COL5A2: variants seen among roughly 807,000 people sequenced by gnomAD.
COL5A2 encodes collagen alpha-2(V) chain.
In COL5A2, 23 loss-of-function variants were observed where a neutral mutation model predicts 208.2. That is an observed-to-expected ratio of 0.11 (90% CI 0.08 to 0.16). COL5A2 has a LOEUF of 0.16. Ranked by LOEUF, COL5A2 falls within the 10% of genes least tolerant of loss-of-function variation. The pLI is 1.00. For synonymous variants in COL5A2, 625 were observed against 628.5 expected (o/e 0.99, Z 0.08); for missense variants, 1,590 against 1,956.4 (o/e 0.81, Z 3.53).
chr2:189,321,918 T>G, the COL5A2 span, among the ~76,000 whole-genome samples: 5 of 152,280 alleles, frequency 3.3e-5, no homozygotes, highest in African/African-American at 9.6e-5. Context: ...ATTGACCACA[T>G]AGTTGGAAGT....
At chr2:189,043,298 A>G in intron 47 of COL5A2, 40 bp from the exon 48 acceptor site, 1 of 1,429,292 alleles carries the variant, frequency 7.0e-7, no homozygotes, top group Non-Finnish European at 9.8e-7. Context: ...CTTGCTACAT[A>G]TTATTGTTGA....
At chr2:189,145,350 A>G (rs1334320527) in intron 1 of COL5A2, among the ~76,000 whole-genome samples, 2 of 152,170 alleles carry the variant, frequency 1.3e-5, no homozygotes, top group East Asian at 3.8e-4. Flanking sequence ...CATGGATTCA[A>G]GGCAGCGTTC....
At chr2:189,108,877 T>G (rs750106180) in intron 2 of COL5A2, among the ~76,000 whole-genome samples, 4 of 151,954 alleles carry the variant, frequency 2.6e-5, no homozygotes, top group Non-Finnish European at 4.4e-5. Context: ...CTTCATTTCT[T>G]TGTGATGATT....
chr2:189,281,303 A>G, the COL5A2 span, among the ~76,000 whole-genome samples: 1 of 152,208 alleles, frequency 6.6e-6, no homozygotes, highest in Non-Finnish European at 1.5e-5. Context: ...ACAGTTCATC[A>G]TAAGCAGTAA....
chr2:189,118,794 G>A (rs987186581), intron 1 of COL5A2, among the ~76,000 whole-genome samples: 7 of 151,932 alleles, frequency 4.6e-5, no homozygotes, highest in Admixed American at 3.3e-4. Flanking sequence ...ATTCAGTTTT[G>A]TTCTGCTTTA....
At chr2:189,410,029 G>A in the COL5A2 span, among the ~76,000 whole-genome samples, 3 of 152,034 alleles carry the variant, frequency 2.0e-5, no homozygotes, top group African/African-American at 4.8e-5. Flanking sequence ...GAAATACTTC[G>A]AGTCACACTT....
At chr2:189,400,161 T>C in the COL5A2 span, among the ~76,000 whole-genome samples, 1 of 152,172 alleles carries the variant, frequency 6.6e-6, no homozygotes, top group African/African-American at 2.4e-5. Flanking sequence ...CCTACATATG[T>C]TTTTCTTGAT....
chr2:189,264,464 G>C, the COL5A2 span, among the ~76,000 whole-genome samples: 1 of 152,120 alleles, frequency 6.6e-6, no homozygotes, highest in Non-Finnish European at 1.5e-5. Context: ...CATGTATACT[G>C]TTTGATTATA....
At chr2:189,349,455 T>C in the COL5A2 span, among the ~76,000 whole-genome samples, 3 of 152,278 alleles carry the variant, frequency 2.0e-5, no homozygotes, top group South Asian at 6.2e-4. Context: ...ATACTGTGTA[T>C]TGACTCAATC....
rs141746031 is a variant in COL5A2 at position 189,216,530 on chromosome 2, A to T, written c.-42+8618T>A. On this transcript the variant is annotated intron_variant, in intron 1 of 10. Transcript: ENST00000649966. The stretch of plus-strand genomic sequence containing the variant: ...TTAAAAATATTATAATTTAATTGAT[A>T]TTACAATCAAGGTTATATCTGTCAC... Among the ~76,000 whole-genome samples, 383 of 152,238 alleles carry T rather than the reference A, an allele frequency of 2.5e-3. 1 individual carries two copies. Among genetic ancestry groups the T allele is most frequent in the African/African-American group, 7.9e-3 (330 of 41,534 alleles).
At chr2:189,274,547 G>C in the COL5A2 span, among the ~76,000 whole-genome samples, 1,613 of 152,200 alleles carry the variant, frequency 0.011, 34 homozygotes, top group African/African-American at 0.036. Context: ...CTCAGCTTCT[G>C]CACTAAAAAC....
chr2:189,163,706 T>G (rs1467743995), intron 1 of COL5A2, among the ~76,000 whole-genome samples: 5 of 152,234 alleles, frequency 3.3e-5, no homozygotes, highest in African/African-American at 1.2e-4. Context: ...GGTGAGACTT[T>G]CCACTGTATT....
intron 1 of COL5A2, among the ~76,000 whole-genome samples, chr2:189,176,640 T>A (rs905490567): frequency 2.6e-5 from 4 of 152,020 alleles, no homozygotes; most frequent in African/African-American, 9.7e-5. Flanking sequence ...GCTCTAGCAT[T>A]TTCCTTAACA....
chr2:189,389,626 A>G, the COL5A2 span, among the ~76,000 whole-genome samples: 1 of 152,188 alleles, frequency 6.6e-6, no homozygotes, highest in Non-Finnish European at 1.5e-5. Context: ...AACCATATGT[A>G]TAATCTGCTG....
At chr2:189,411,407 C>G in the COL5A2 span, among the ~76,000 whole-genome samples, 17 of 151,984 alleles carry the variant, frequency 1.1e-4, no homozygotes, top group Non-Finnish European at 1.5e-5. Flanking sequence ...CAACAAATAT[C>G]TTTTAAAAGA....
At chr2:189,349,884 A>G in the COL5A2 span, among the ~76,000 whole-genome samples, 1 of 152,160 alleles carries the variant, frequency 6.6e-6, no homozygotes, top group African/African-American at 2.4e-5. Context: ...CCTTTGGAAA[A>G]TTACTCAGCA....
At chr2:189,235,440 C>T in the COL5A2 span, among the ~76,000 whole-genome samples, 1 of 151,484 alleles carries the variant, frequency 6.6e-6, no homozygotes, top group East Asian at 1.9e-4. Context: ...CATGTTTCAC[C>T]CAAAGGATAG....
the COL5A2 span, among the ~76,000 whole-genome samples, chr2:189,414,204 G>C: frequency 6.6e-6 from 1 of 152,118 alleles, no homozygotes; most frequent in Admixed American, 6.5e-5. Context: ...CAGCTCTTCA[G>C]TCTTCGCAAG....
the COL5A2 span, among the ~76,000 whole-genome samples, chr2:189,310,921 G>T: frequency 4.6e-5 from 7 of 152,090 alleles, no homozygotes; most frequent in African/African-American, 1.7e-4. Context: ...TGGTTACCAG[G>T]GGCTGGGAAG....
Sources: gnomAD v4.1 joint callset for allele counts (sites outside exome capture counted in the v4.1 genomes callset) on GRCh38, gnomAD v4.1.1 for gene constraint, MANE v1.5 for transcripts, NCBI Gene and HGNC (gene_info 2026-07-23, HGNC 2026-07-21) for gene names.